The following OXR1 variants were observed in gnomAD, a reference collection of about 807,000 sequenced individuals.
OXR1 encodes the protein oxidation resistance protein 1.
OXR1 carries 41 observed loss-of-function variants against 104.6 expected under a neutral mutation model. The ratio of observed to expected loss-of-function variants is 0.39; its 90% CI spans 0.31 to 0.51. The LOEUF is 0.51. OXR1 is among the 20% of genes least tolerant of loss of function. The probability of loss-of-function intolerance (pLI) is 0.77; values close to 1 mark genes in which losing one functional copy is unlikely to be tolerated. For missense variants in OXR1, 955 were observed against 1,031.9 expected (o/e 0.93, Z 1.02); for synonymous variants, 348 against 348.4 (o/e 1.00, Z 0.01).
chr8:106,626,593 GT>G (rs34772744), intron 3 of OXR1, among the ~76,000 whole-genome samples: 74,772 of 141,752 alleles, frequency 0.53, 19,523 homozygotes, highest in East Asian at 0.66. Context: ...ATTTTCTTAG[GT>G]TTTTTTTTTT....
intron 2 of OXR1, among the ~76,000 whole-genome samples, chr8:106,463,531 G>T (rs1043904308): frequency 6.6e-6 from 1 of 151,984 alleles, no homozygotes; most frequent in Non-Finnish European, 1.5e-5. Context: ...ATTATGCTAA[G>T]ATTTTTTCAC....
chr8:106,685,474 A>T (rs1401350536), intron 6 of OXR1, among the ~76,000 whole-genome samples: 1 of 152,166 alleles, frequency 6.6e-6, no homozygotes, highest in Non-Finnish European at 1.5e-5. Context: ...AGATCAAAGA[A>T]AACAAAATGT....
At chr8:106,373,460 G>A (rs2130382669) in intron 2 of OXR1, among the ~76,000 whole-genome samples, 1 of 152,306 alleles carries the variant, frequency 6.6e-6, no homozygotes, top group Non-Finnish European at 1.5e-5. Context: ...GTTATGGAGA[G>A]AATGTTGGCA....
At chr8:106,602,630 T>C (rs1820058379) in intron 3 of OXR1, among the ~76,000 whole-genome samples, 1 of 152,166 alleles carries the variant, frequency 6.6e-6, no homozygotes, top group Non-Finnish European at 1.5e-5. Flanking sequence ...AATATTCTAT[T>C]TTACCAAATT....
intron 3 of OXR1, among the ~76,000 whole-genome samples, chr8:106,636,245 T>G (rs1375741587): frequency 6.6e-6 from 1 of 152,222 alleles, no homozygotes; most frequent in Non-Finnish European, 1.5e-5. Flanking sequence ...TATGTGTTTG[T>G]CATATAGAAA....
chr8:106,434,747 A>G (rs1819503290), intron 2 of OXR1, among the ~76,000 whole-genome samples: 1 of 152,204 alleles, frequency 6.6e-6, no homozygotes, highest in Admixed American at 6.5e-5. Context: ...GCTAATGTTA[A>G]AGTTGAATGG....
intron 3 of OXR1, among the ~76,000 whole-genome samples, chr8:106,612,226 G>A (rs933217251): frequency 1.3e-5 from 2 of 151,886 alleles, no homozygotes; most frequent in African/African-American, 4.8e-5. Context: ...TGAAAGAAAT[G>A]TAAATACATA....
chr8:106,542,598 G>A (rs1410268431), intron 3 of OXR1, among the ~76,000 whole-genome samples: 1 of 151,978 alleles, frequency 6.6e-6, no homozygotes, highest in Non-Finnish European at 1.5e-5. Flanking sequence ...TCCAGTACGG[G>A]TTAGGCACCT....
intron 2 of OXR1, among the ~76,000 whole-genome samples, chr8:106,454,276 C>G (rs1473573057): frequency 1.3e-5 from 2 of 151,878 alleles, no homozygotes; most frequent in Non-Finnish European, 2.9e-5. Context: ...GCCTGGGCAA[C>G]ATGGTGAAAT....
intron 6 of OXR1, among the ~76,000 whole-genome samples, chr8:106,690,197 T>C (rs1212035306): frequency 6.6e-6 from 1 of 150,712 alleles, no homozygotes; most frequent in Non-Finnish European, 1.5e-5. Flanking sequence ...TTATGTGATA[T>C]ATAACTTATA....
chr8:106,331,390 T>C (rs1163626864), intron 1 of OXR1, among the ~76,000 whole-genome samples: 2 of 152,230 alleles, frequency 1.3e-5, no homozygotes, highest in African/African-American at 4.8e-5. Context: ...CATAGATTAA[T>C]TTGTCATTGA....
At chr8:106,507,619 A>G (rs184281871) in intron 2 of OXR1, among the ~76,000 whole-genome samples, 3 of 152,338 alleles carry the variant, frequency 2.0e-5, no homozygotes, top group Admixed American at 2.0e-4. Context: ...GCTGAAAAGG[A>G]GAGAAGAAAT....
intron 1 of OXR1, among the ~76,000 whole-genome samples, chr8:106,327,184 T>C (rs1346193182): frequency 6.6e-6 from 1 of 152,208 alleles, no homozygotes. Flanking sequence ...GTTTTCTATA[T>C]TTTTATTTGA....
intron 3 of OXR1, among the ~76,000 whole-genome samples, chr8:106,572,405 G>A (rs1817536061): frequency 6.6e-6 from 1 of 152,116 alleles, no homozygotes; most frequent in African/African-American, 2.4e-5. Context: ...TTCAGAAAAA[G>A]CTTTCTCAAT....
At chr8:106,412,429 G>T (rs889467598) in intron 2 of OXR1, among the ~76,000 whole-genome samples, 4 of 152,100 alleles carry the variant, frequency 2.6e-5, no homozygotes, top group African/African-American at 9.7e-5. Flanking sequence ...ACAATTTCTG[G>T]ACTTCTTTAA....
chr8:106,380,102 C>G (rs894598322), intron 2 of OXR1, among the ~76,000 whole-genome samples: 9 of 151,980 alleles, frequency 5.9e-5, no homozygotes, highest in African/African-American at 2.2e-4. Context: ...TTCTTTCTCA[C>G]TCTCACCCCA....
chr8:106,571,444 T>C (rs80349040), intron 3 of OXR1, among the ~76,000 whole-genome samples: 10,902 of 152,176 alleles, frequency 0.072, 517 homozygotes, highest in South Asian at 0.11. Context: ...AACCTAATTA[T>C]ATTTCAAAGA....
intron 3 of OXR1, among the ~76,000 whole-genome samples, chr8:106,650,353 G>C (rs1344030906): frequency 6.6e-6 from 1 of 152,174 alleles, no homozygotes; most frequent in Non-Finnish European, 1.5e-5. Flanking sequence ...GTTAGACTAA[G>C]GGCCCATGTT....
Position 106,707,365 on chromosome 8 carries a change from C to G in OXR1, c.1624+220C>G, listed in dbSNP as rs1046524746. The stretch of plus-strand genomic sequence containing the variant: ...TACACATAATGAGCATCATTGCTAC[C>G]CACCATGTTTAAACATTCTTGGCTC... On this transcript the variant is annotated intron_variant, in intron 9 of 16. Transcript: ENST00000517566. The G allele has an allele frequency of 7.8e-6, 5 of 638,624 alleles. No homozygotes were observed. The African/African-American group carries it at 9.3e-5, about 12-fold the overall frequency. 39.6% of individuals were successfully genotyped at this position (638,624 alleles called of 1,614,324 possible).
Sources: gnomAD v4.1 joint callset for allele counts (sites outside exome capture counted in the v4.1 genomes callset) on GRCh38, gnomAD v4.1.1 for gene constraint, MANE v1.5 for transcripts, NCBI Gene and HGNC (gene_info 2026-07-23, HGNC 2026-07-21) for gene names.